Variants in ERC1 observed in about 807,000 individuals in gnomAD.
The protein encoded by ERC1 is ELKS/RAB6-interacting/CAST family member 1, also known as RAB6 interacting protein 2.
Under a neutral mutation model 132.0 loss-of-function variants are expected in ERC1, and 56 were observed. The ratio of observed to expected loss-of-function variants is 0.42; its 90% CI spans 0.34 to 0.53. The LOEUF is 0.53. ERC1 is among the 20% of genes least tolerant of loss of function. The probability of loss-of-function intolerance (pLI) is 0.03; values close to 1 mark genes in which losing one functional copy is unlikely to be tolerated. For synonymous variants in ERC1, 478 were observed against 476.1 expected (o/e 1.00, Z -0.05); for missense variants, 1,202 against 1,349.9 (o/e 0.89, Z 1.72).
chr12:1,237,484 A>G (rs868246134), intron 13 of ERC1, among the ~76,000 whole-genome samples: 8 of 152,370 alleles, frequency 5.3e-5, no homozygotes, highest in Middle Eastern at 6.8e-3. Flanking sequence ...AGGCTCAACA[A>G]CAGCAGTAGC....
intron 7 of ERC1, among the ~76,000 whole-genome samples, chr12:1,138,737 A>G (rs1949594853): frequency 6.6e-6 from 1 of 152,188 alleles, no homozygotes; most frequent in Non-Finnish European, 1.5e-5. Flanking sequence ...AGCCACTGGA[A>G]GTGGGGCAAG....
intron 7 of ERC1, among the ~76,000 whole-genome samples, chr12:1,134,431 T>A (rs994521845): frequency 1.3e-5 from 2 of 151,890 alleles, no homozygotes; most frequent in Admixed American, 1.3e-4. Flanking sequence ...ACTGCAGCCT[T>A]GAACTCCTGG....
chr12:1,124,218 C>G (rs79081963), intron 7 of ERC1, among the ~76,000 whole-genome samples: 1 of 152,098 alleles, frequency 6.6e-6, no homozygotes, highest in African/African-American at 2.4e-5. Context: ...TAAAAACTAA[C>G]CATGTACTGG....
intron 12 of ERC1, among the ~76,000 whole-genome samples, chr12:1,206,758 C>G (rs1957385933): frequency 6.6e-6 from 1 of 152,052 alleles, no homozygotes; most frequent in Admixed American, 6.6e-5. Context: ...CTCATTAACA[C>G]TTAGGTCTAA....
chr12:1,342,708 CAG>C (rs2084039890), intron 15 of ERC1, among the ~76,000 whole-genome samples: 1 of 152,046 alleles, frequency 6.6e-6, no homozygotes, highest in Non-Finnish European at 1.5e-5. Flanking sequence ...TGAAAAGTCA[CAG>C]AGGTATGAAA....
intron 4 of ERC1, among the ~76,000 whole-genome samples, chr12:1,109,345 ATAACT>A (rs924818354): frequency 6.6e-6 from 1 of 152,238 alleles, no homozygotes; most frequent in Non-Finnish European, 1.5e-5. Context: ...AACATGATAA[ATAACT>A]TAATTATTCC....
In ERC1 at chr12:1,116,046, CT is replaced by C; in HGVS notation, c.1569+14del. On this transcript the variant is annotated intron_variant, in intron 7 of 18. Coordinates refer to ENST00000360905, the MANE Select transcript of ERC1 (RefSeq NM_178040.4). ...CCTGCAGACTGAGGTAGAAACAATT[CT>C]GGGATTTGTGGGGAGTTGGTTTCTT... is the stretch of plus-strand genomic sequence containing the variant. The C allele has an allele frequency of 6.2e-7, 1 of 1,600,350 alleles. No homozygotes were observed. Among genetic ancestry groups the C allele is most frequent in the Non-Finnish European group, 8.5e-7 (1 of 1,172,062 alleles).
chr12:1,126,986 CAAAA>C (rs71055135), intron 7 of ERC1, among the ~76,000 whole-genome samples: 222 of 114,112 alleles, frequency 1.9e-3, no homozygotes, highest in African/African-American at 8.7e-3. Context: ...GATTCTGTCT[CAAAA>C]AAAAAAAAAA....
At chr12:1,121,845 C>A (rs376682081) in intron 7 of ERC1, among the ~76,000 whole-genome samples, 8 of 15,446 alleles carry the variant, frequency 5.2e-4, no homozygotes, top group African/African-American at 9.1e-4. Context: ...CTATCTATCT[C>A]TATCTCTATC....
chr12:1,251,632 A>G (rs944344013), intron 13 of ERC1, among the ~76,000 whole-genome samples: 4 of 152,184 alleles, frequency 2.6e-5, no homozygotes, highest in South Asian at 2.1e-4. Context: ...AAAAACTCCT[A>G]TCTCAAACTG....
intron 3 of ERC1, 150 bp downstream of exon 3, chr12:1,083,730 G>C: frequency 1.5e-6 from 1 of 649,922 alleles, no homozygotes; most frequent in Non-Finnish European, 2.6e-6. Flanking sequence ...ACTGATTTCT[G>C]TTCTGATTTG....
chr12:1,148,191 T>C (rs1950544017), intron 8 of ERC1, among the ~76,000 whole-genome samples: 1 of 152,224 alleles, frequency 6.6e-6, no homozygotes, highest in South Asian at 2.1e-4. Flanking sequence ...AGAAAAGTTT[T>C]TGTATTAGTC....
chr12:1,377,304 C>T (rs1163538622), intron 16 of ERC1, among the ~76,000 whole-genome samples: 3 of 152,206 alleles, frequency 2.0e-5, no homozygotes, highest in African/African-American at 7.2e-5. Context: ...ATCGGTAAAG[C>T]TGAGTACTTT....
intron 1 of ERC1, among the ~76,000 whole-genome samples, chr12:994,066 C>CA (rs72073964): frequency 0.012 from 798 of 64,124 alleles, 110 homozygotes; most frequent in African/African-American, 0.035. Flanking sequence ...AACTCCGTCT[C>CA]AAAAAAAAAA....
chr12:1,174,027 C>G (rs564959512), intron 8 of ERC1, among the ~76,000 whole-genome samples: 5 of 152,130 alleles, frequency 3.3e-5, no homozygotes, highest in African/African-American at 1.2e-4. Context: ...CAGCTGTTAC[C>G]CATCATGATG....
intron 7 of ERC1, chr12:1,116,328 G>A (rs1161694869): frequency 4.6e-6 from 1 of 219,364 alleles, no homozygotes; most frequent in Non-Finnish European, 8.9e-6. Context: ...TTGTAAAAGA[G>A]AAATCATTGA....
chr12:1,391,311 G>C (rs2089939667), intron 16 of ERC1: 1 of 152,276 alleles, frequency 6.6e-6, no homozygotes, highest in South Asian at 2.1e-4. Flanking sequence ...TGACACTCAA[G>C]GGGTGGAGGC....
rs1054815999 is a variant in ERC1 at position 1,045,196 on chromosome 12, CATG to C, written c.669+16627_669+16629del. ...CTGTACTGTGCTTTTTAAATTCTTA[CATG>C]ATAAGTGTATGTCACTAAAAGGTAT... On this transcript the variant is annotated intron_variant, in intron 2 of 18. Coordinates refer to ENST00000360905, the MANE Select transcript of ERC1 (RefSeq NM_178040.4). 3.3e-5 allele frequency among the ~76,000 whole-genome samples: 5 copies of C among 152,178 alleles called. 1 individual carries two copies. The highest frequency in any genetic ancestry group is 3.4e-3 in the Middle Eastern group (1 of 294).
chr12:1,303,297 A>G (rs1426621101), intron 15 of ERC1, among the ~76,000 whole-genome samples: 1 of 152,234 alleles, frequency 6.6e-6, no homozygotes, highest in Non-Finnish European at 1.5e-5. Context: ...CATTTTACCC[A>G]CAGTAGAACT....
Sources: gnomAD v4.1 joint callset for allele counts (sites outside exome capture counted in the v4.1 genomes callset) on GRCh38, gnomAD v4.1.1 for gene constraint, MANE v1.5 for transcripts, NCBI Gene and HGNC (gene_info 2026-07-23, HGNC 2026-07-21) for gene names.